ADAMTS3: variants seen among roughly 807,000 people sequenced by gnomAD.
ADAMTS3 encodes the protein A disintegrin and metalloproteinase with thrombospondin motifs 3.
A neutral mutation model predicts 129.0 loss-of-function variants in ADAMTS3; 73 were observed. The ratio of observed to expected loss-of-function variants is 0.57; its 90% confidence interval spans 0.47 to 0.69. The LOEUF is 0.69. Among genes scored for constraint, ADAMTS3 ranks in the 30% least tolerant of loss-of-function variants. The pLI, the probability that ADAMTS3 is intolerant of heterozygous loss-of-function variation, is 0.00. For missense variants in ADAMTS3, 1,457 were observed against 1,514.5 expected (o/e 0.96, Z 0.63); for synonymous variants, 477 against 510.8 (o/e 0.93, Z 0.89).
intron 5 of ADAMTS3, among the ~76,000 whole-genome samples, chr4:72,327,687 A>G (rs1485220836): frequency 6.6e-6 from 1 of 152,184 alleles, no homozygotes; most frequent in Non-Finnish European, 1.5e-5. Flanking sequence ...CTGTAGTTCC[A>G]CAGATCTGCA....
At chr4:72,296,931 A>T (rs1718824292) in intron 18 of ADAMTS3, among the ~76,000 whole-genome samples, 1 of 152,104 alleles carries the variant, frequency 6.6e-6, no homozygotes. Context: ...TTTGAAATTT[A>T]AAAACTATTT....
chr4:72,554,169 G>C (rs1287814992), intron 2 of ADAMTS3, among the ~76,000 whole-genome samples: 1 of 152,148 alleles, frequency 6.6e-6, no homozygotes, highest in Non-Finnish European at 1.5e-5. Flanking sequence ...GAGTGTATTT[G>C]TGATATGCAT....
chr4:72,426,697 G>T (rs1027994314), intron 3 of ADAMTS3, among the ~76,000 whole-genome samples: 26 of 152,008 alleles, frequency 1.7e-4, no homozygotes, highest in Middle Eastern at 3.2e-3. Context: ...ACCAGCCTAG[G>T]CAATATAGTG....
intron 3 of ADAMTS3, among the ~76,000 whole-genome samples, chr4:72,536,264 G>T (rs1187162278): frequency 3.3e-5 from 5 of 152,118 alleles, no homozygotes; most frequent in Non-Finnish European, 1.5e-5. Flanking sequence ...AACTCTTCAG[G>T]AGAGCAGAGA....
chr4:72,518,620 T>C (rs137966836), intron 3 of ADAMTS3, among the ~76,000 whole-genome samples: 2 of 152,318 alleles, frequency 1.3e-5, no homozygotes, highest in East Asian at 1.9e-4. Flanking sequence ...TTGATCTTTG[T>C]TGGTTTAAAG....
chr4:72,320,133 G>C (rs371746659), intron 7 of ADAMTS3, among the ~76,000 whole-genome samples, 170 bp from the exon 8 acceptor site: 1 of 152,140 alleles, frequency 6.6e-6, no homozygotes, highest in Non-Finnish European at 1.5e-5. Flanking sequence ...CACAGGTAAT[G>C]TTCTCTAAAA....
intron 4 of ADAMTS3, among the ~76,000 whole-genome samples, chr4:72,369,417 T>A (rs1720948140): frequency 1.3e-5 from 2 of 151,750 alleles, no homozygotes; most frequent in African/African-American, 4.8e-5. Flanking sequence ...TAACAAGTAC[T>A]AAAAAAAATG....
intron 5 of ADAMTS3, among the ~76,000 whole-genome samples, chr4:72,325,002 C>T (rs1376749873): frequency 6.6e-6 from 1 of 151,924 alleles, no homozygotes; most frequent in African/African-American, 2.4e-5. Context: ...AATAATATCT[C>T]ATAGGGTTAG....
intron 3 of ADAMTS3, among the ~76,000 whole-genome samples, chr4:72,483,626 G>A (rs983420294): frequency 6.6e-6 from 1 of 152,118 alleles, no homozygotes; most frequent in Non-Finnish European, 1.5e-5. Flanking sequence ...CTCTCAGAGA[G>A]GTTTTCACTA....
rs1332568499 is a variant in ADAMTS3, at chr4:72,309,365, G to T, written c.2179+32C>A. On this transcript the variant is annotated intron_variant, in intron 15 of 21. Coordinates refer to ENST00000286657, the MANE Select transcript of ADAMTS3 (RefSeq NM_014243.3). ...CTCAAAAAGTACAAATCACAGAGAA[G>T]AATACTAAATCCATGAGAGACCTCA... The T allele has an allele frequency of 2.5e-6, 4 of 1,605,018 alleles. No individual in the cohort carries two copies. In the African/African-American group the frequency reaches 4.0e-5, roughly 16 times the overall value.
At chr4:72,410,788 G>A (rs545431075) in intron 4 of ADAMTS3, among the ~76,000 whole-genome samples, 4 of 96,688 alleles carry the variant, frequency 4.1e-5, no homozygotes, top group Non-Finnish European at 7.1e-5. Flanking sequence ...ATATAATTTT[G>A]TCCAAATTAA....
chr4:72,550,959 T>A (rs954631530), intron 2 of ADAMTS3, among the ~76,000 whole-genome samples: 7 of 152,072 alleles, frequency 4.6e-5, no homozygotes, highest in African/African-American at 1.7e-4. Context: ...CAGGGTGTCT[T>A]GCCAGTTGAA....
chr4:72,394,464 A>G (rs1278352646), intron 4 of ADAMTS3, among the ~76,000 whole-genome samples: 1 of 152,198 alleles, frequency 6.6e-6, no homozygotes, highest in Non-Finnish European at 1.5e-5. Context: ...AGCTGTCTTA[A>G]GTTCATGGGC....
At chr4:72,518,469 T>A (rs1720559871) in intron 3 of ADAMTS3, among the ~76,000 whole-genome samples, 1 of 152,208 alleles carries the variant, frequency 6.6e-6, no homozygotes, top group South Asian at 2.1e-4. Flanking sequence ...TGTGTGGGAG[T>A]CTAAGTCTCT....
At chr4:72,453,614 T>C (rs1310260838) in intron 3 of ADAMTS3, among the ~76,000 whole-genome samples, 1 of 151,692 alleles carries the variant, frequency 6.6e-6, no homozygotes, top group Non-Finnish European at 1.5e-5. Flanking sequence ...ATAAATTTAT[T>C]TGATTAGATA....
intron 19 of ADAMTS3, among the ~76,000 whole-genome samples, chr4:72,295,163 C>T (rs1358555919): frequency 1.3e-5 from 2 of 152,082 alleles, no homozygotes; most frequent in East Asian, 3.9e-4. Flanking sequence ...TCAATGCATG[C>T]TGTGTGACTC....
Position 72,475,320 on chromosome 4 carries a change from C to T in ADAMTS3, c.505-60349G>A, listed in dbSNP as rs542955896. On this transcript the variant is annotated intron_variant, in intron 3 of 21. Transcript: ENST00000286657. The stretch of plus-strand genomic sequence containing the variant: ...TGAAAGTAAAAGAATGCAATATATA[C>T]ATAATGCACATATCATTCAAAGAAA... 4.7e-3 allele frequency among the ~76,000 whole-genome samples: 722 copies of T among 152,028 alleles called. 2 individuals carry two copies. The highest frequency in any genetic ancestry group is 8.3e-3 in the Non-Finnish European group (563 of 67,938).
Position 72,298,336 on chromosome 4 carries a change from AAT to A in ADAMTS3, c.2529_2530del (p.Glu843AspfsTer5). 1 of 1,613,256 alleles carries A rather than the reference AAT, an allele frequency of 6.2e-7. No homozygotes were observed. Among genetic ancestry groups the A allele is most frequent in the Non-Finnish European group, 8.5e-7 (1 of 1,179,410 alleles). ...CTTCAAAGCCCACTCAAAAGTATCTAATTCTTCCTGGATGACATTGTTGCTGT... is the reference window on the plus strand; with the variant it reads ...CTTCAAAGCCCACTCAAAAGTATCTATCTTCCTGGATGACATTGTTGCTGT... On this transcript the variant is annotated frameshift_variant, in exon 18 of 22. Coordinates refer to ENST00000286657, the MANE Select transcript of ADAMTS3 (RefSeq NM_014243.3). LOFTEE classifies it high-confidence loss of function.
chr4:72,464,869 G>A (rs1718875733), intron 3 of ADAMTS3, among the ~76,000 whole-genome samples: 1 of 152,008 alleles, frequency 6.6e-6, no homozygotes, highest in Non-Finnish European at 1.5e-5. Context: ...GTCACCAAAT[G>A]AGTATTCAAG....
Sources: allele counts gnomAD v4.1 joint callset (sites outside exome capture counted in the v4.1 genomes callset), GRCh38; gene constraint gnomAD v4.1.1; transcripts MANE v1.5; gene names NCBI Gene and HGNC (gene_info 2026-07-23, HGNC 2026-07-21).